The following DAB1 variants were observed in gnomAD, a reference collection of about 807,000 sequenced individuals.
The protein encoded by DAB1 is DAB adaptor protein 1.
Under a neutral mutation model 64.6 loss-of-function variants are expected in DAB1, and 15 were observed. The ratio of observed to expected loss-of-function variants is 0.23; its 90% confidence interval spans 0.16 to 0.36. The LOEUF is 0.36. DAB1 is among the 10% of genes least tolerant of loss of function. The pLI is 1.00. For missense variants in DAB1, 596 were observed against 706.7 expected (o/e 0.84, Z 1.78); for synonymous variants, 235 against 251.9 (o/e 0.93, Z 0.64).
chr1:57,066,592 G>T (rs1249385843), intron 8 of DAB1, among the ~76,000 whole-genome samples: 1 of 152,270 alleles, frequency 6.6e-6, no homozygotes, highest in East Asian at 1.9e-4. Flanking sequence ...AAGCACGCTT[G>T]AGGATTTCTG....
chr1:57,806,987 G>A (rs1257550797), intron 6 of DAB1, among the ~76,000 whole-genome samples: 1 of 152,176 alleles, frequency 6.6e-6, no homozygotes, highest in Non-Finnish European at 1.5e-5. Flanking sequence ...TAGTCACTCA[G>A]CAAATGTTTG....
intron 5 of DAB1, among the ~76,000 whole-genome samples, chr1:58,122,421 C>T (rs1652808154): frequency 6.6e-6 from 1 of 152,114 alleles, no homozygotes; most frequent in Non-Finnish European, 1.5e-5. Flanking sequence ...AAGCAATAAA[C>T]TTTAAAACAT....
At chr1:57,316,707 C>A (rs867055474) in intron 1 of DAB1, among the ~76,000 whole-genome samples, 1 of 152,186 alleles carries the variant, frequency 6.6e-6, no homozygotes, top group Non-Finnish European at 1.5e-5. Flanking sequence ...CAGTGAGAAC[C>A]ATTTAGGCCA....
At chr1:58,451,552 T>C (rs1645136602) in intron 3 of DAB1, among the ~76,000 whole-genome samples, 1 of 152,228 alleles carries the variant, frequency 6.6e-6, no homozygotes, top group Admixed American at 6.5e-5. Flanking sequence ...CATATCATGA[T>C]AATGTAAGAT....
intron 6 of DAB1, among the ~76,000 whole-genome samples, chr1:57,795,105 C>T (rs983332717): frequency 8.5e-5 from 13 of 152,222 alleles, no homozygotes; most frequent in Non-Finnish European, 1.9e-4. Flanking sequence ...ATTATGGTGG[C>T]AGTGTTAACA....
intron 3 of DAB1, among the ~76,000 whole-genome samples, chr1:58,367,371 C>G (rs1308794719): frequency 6.6e-6 from 1 of 152,208 alleles, no homozygotes; most frequent in Non-Finnish European, 1.5e-5. Flanking sequence ...AACACTTCAT[C>G]CCAGGACAGC....
At chr1:57,431,982 T>C (rs1171739806) in intron 7 of DAB1, among the ~76,000 whole-genome samples, 2 of 151,492 alleles carry the variant, frequency 1.3e-5, no homozygotes, top group African/African-American at 2.4e-5. Context: ...ATTAGCTGAG[T>C]GTGATGGTGT....
intron 4 of DAB1, among the ~76,000 whole-genome samples, chr1:58,232,228 A>C (rs1659808671): frequency 6.6e-6 from 1 of 152,276 alleles, no homozygotes; most frequent in Non-Finnish European, 1.5e-5. Flanking sequence ...AAAATGATTA[A>C]AGAGCTCTGG....
intron 6 of DAB1, among the ~76,000 whole-genome samples, chr1:57,750,337 C>T (rs1648496365): frequency 6.6e-6 from 1 of 152,072 alleles, no homozygotes; most frequent in South Asian, 2.1e-4. Flanking sequence ...CAGGAAAGAC[C>T]CCATCAGTGA....
intron 5 of DAB1, among the ~76,000 whole-genome samples, chr1:57,973,882 T>C (rs1175377477): frequency 2.7e-4 from 41 of 152,116 alleles, no homozygotes; most frequent in Admixed American, 2.7e-3. Context: ...AGCATAGTCT[T>C]TCAAAATCCT....
chr1:57,700,083 T>C (rs1205824346), intron 6 of DAB1, among the ~76,000 whole-genome samples: 1 of 152,164 alleles, frequency 6.6e-6, no homozygotes, highest in Non-Finnish European at 1.5e-5. Flanking sequence ...TCCCACTTTA[T>C]TTGACTGCTC....
chr1:57,417,081 A>G (rs1684546688), intron 1 of DAB1, among the ~76,000 whole-genome samples: 2 of 152,168 alleles, frequency 1.3e-5, no homozygotes, highest in East Asian at 3.8e-4. Flanking sequence ...ATTCAAAAGA[A>G]TTATCAAATT....
chr1:58,304,200 A>G (rs1662246205), intron 4 of DAB1, among the ~76,000 whole-genome samples: 1 of 152,180 alleles, frequency 6.6e-6, no homozygotes, highest in Non-Finnish European at 1.5e-5. Flanking sequence ...GTCCAAATGC[A>G]TGCCAAATGT....
At chr1:57,247,094 G>A (rs1486568104) in intron 2 of DAB1, among the ~76,000 whole-genome samples, 1 of 152,086 alleles carries the variant, frequency 6.6e-6, no homozygotes, top group African/African-American at 2.4e-5. Context: ...AGACTGCTGG[G>A]AAGGCATGAT....
At chr1:57,099,091 A>G (rs758918802) in intron 4 of DAB1, among the ~76,000 whole-genome samples, 53 of 152,218 alleles carry the variant, frequency 3.5e-4, no homozygotes, top group Admixed American at 1.4e-3. Context: ...TAGACAAATG[A>G]ACTCACTGGT....
upstream of DAB1, among the ~76,000 whole-genome samples, chr1:57,426,046 G>A (rs1196524950): frequency 1.3e-5 from 2 of 152,132 alleles, no homozygotes; most frequent in Non-Finnish European, 2.9e-5. Context: ...TTATGATGGA[G>A]GCACAGGTCT....
chr1:57,148,376 G>A (rs1358563802), intron 2 of DAB1, among the ~76,000 whole-genome samples: 1 of 152,220 alleles, frequency 6.6e-6, no homozygotes, highest in Non-Finnish European at 1.5e-5. Context: ...CACTTATGCA[G>A]TAGATAATCC....
intron 2 of DAB1, among the ~76,000 whole-genome samples, chr1:57,190,546 T>C (rs1188056494): frequency 2.0e-5 from 3 of 152,172 alleles, no homozygotes; most frequent in Non-Finnish European, 4.4e-5. Context: ...TCCAGCCTGT[T>C]CAGGTGAATA....
chr1:57,237,521 G>T (rs955305051), intron 2 of DAB1, among the ~76,000 whole-genome samples: 2 of 152,128 alleles, frequency 1.3e-5, no homozygotes, highest in African/African-American at 4.8e-5. Flanking sequence ...CTGCCAACTA[G>T]CTAAGCAAAG....
Sources: gnomAD v4.1 joint callset for allele counts (sites outside exome capture counted in the v4.1 genomes callset) on GRCh38, gnomAD v4.1.1 for gene constraint, MANE v1.5 for transcripts, NCBI Gene and HGNC (gene_info 2026-07-23, HGNC 2026-07-21) for gene names.